Variants in MPP3 observed in about 807,000 individuals in gnomAD.
MPP3 encodes the protein MAGUK p55 scaffold protein 3, also known as MAGUK p55 subfamily member 3.
Under a neutral mutation model 80.7 loss-of-function variants are expected in MPP3, and 48 were observed. The observed-to-expected ratio is 0.59, with a 90% CI of 0.47 to 0.76. The LOEUF (loss-of-function observed/expected upper bound fraction) is 0.76, where lower values mean the gene tolerates loss of function less well. Among genes scored for constraint, MPP3 ranks in the 30% least tolerant of loss-of-function variants. The probability of loss-of-function intolerance (pLI) is 0.00; values close to 1 mark genes in which losing one functional copy is unlikely to be tolerated. For synonymous variants in MPP3, 311 were observed against 297.6 expected (o/e 1.04, Z -0.46); for missense variants, 620 against 763.0 (o/e 0.81, Z 2.21).
At chr17:43,818,255 C>T in intron 11 of MPP3, 145 bp from the exon 12 acceptor site, 1 of 579,370 alleles carries the variant, frequency 1.7e-6, no homozygotes, top group Non-Finnish European at 2.8e-6. Flanking sequence ...CTGCTTAGCA[C>T]TAAGTTCCAA....
intron 19 of MPP3, among the ~76,000 whole-genome samples, chr17:43,803,615 CCAGA>C (rs1274548315): frequency 6.6e-6 from 1 of 152,166 alleles, no homozygotes; most frequent in Non-Finnish European, 1.5e-5. Context: ...AACTCAGGTG[CCAGA>C]CAATGGACAG....
intron 14 of MPP3, 190 bp downstream of exon 14, chr17:43,815,848 G>T: frequency 3.0e-6 from 2 of 671,164 alleles, no homozygotes; most frequent in Non-Finnish European, 5.2e-6. Context: ...AAAGCTGGGT[G>T]GGGGCCCAAT....
chr17:43,811,122 G>GT lies in MPP3; in HGVS notation c.1338dup (p.His447ThrfsTer10). The GT allele has an allele frequency of 6.2e-7, 1 of 1,613,958 alleles. No homozygotes were observed. ...CATCAAGCAACGTACTTGTTGTGAT[G>GT]TAAGTCGGCCTCAAATGCTTGCTTA... On this transcript the variant is annotated frameshift_variant, in exon 17 of 20. Coordinates refer to ENST00000398389, the MANE Select transcript of MPP3 (RefSeq NM_001932.6). LOFTEE classifies it high-confidence loss of function.
chr17:43,807,241 G>A (rs1380497595), intron 19 of MPP3, among the ~76,000 whole-genome samples: 1 of 151,868 alleles, frequency 6.6e-6, no homozygotes, highest in African/African-American at 2.4e-5. Flanking sequence ...CCAAAGTGCT[G>A]GGATTATAGG....
In MPP3 at chr17:43,814,522, C is replaced by A. The variant is rs952429570; in HGVS notation, c.1010-161G>T. 9 of 632,982 alleles carry A rather than the reference C, an allele frequency of 1.4e-5. No individual in the cohort carries two copies. In the African/African-American group the frequency reaches 1.5e-4, roughly 10 times the overall value. 39.2% of individuals were successfully genotyped at this position (632,982 alleles called of 1,614,324 possible). ...ACTGGAAGAGGTTGTTCAGGAAATA[C>A]AATAATAAGATGAAAGGGTGACCCC... On this transcript the variant is annotated intron_variant, in intron 14 of 19. Transcript: ENST00000398389.
chr17:43,813,965 TTG>T (rs1238427491), intron 16 of MPP3, 44 bp downstream of exon 16: 1 of 1,430,156 alleles, frequency 7.0e-7, no homozygotes, highest in Non-Finnish European at 9.7e-7. Context: ...CATGGAATAT[TTG>T]TGTGTGTGCA....
At position 43,817,906 on chromosome 17, in the gene MPP3, C is replaced by T. The variant is rs565917220; in HGVS notation, c.946+140G>A. ...CCCCCCACCTCCTACTTCCCACCCC[C>T]TCCTTCCTCTGGAGTCCATGAGCTC... On this transcript the variant is annotated intron_variant, in intron 12 of 19. Coordinates refer to ENST00000398389, the MANE Select transcript of MPP3 (RefSeq NM_001932.6). 5 of 525,190 alleles carry T rather than the reference C, an allele frequency of 9.5e-6. No homozygotes were observed. In the South Asian group the frequency reaches 1.3e-4, roughly 13 times the overall value. The allele number at this position is 525,190 out of a possible 1,614,324, so 32.5% of individuals were successfully genotyped here.
chr17:43,818,575 T>C (rs2045268927), intron 11 of MPP3, among the ~76,000 whole-genome samples: 1 of 152,114 alleles, frequency 6.6e-6, no homozygotes, highest in African/African-American at 2.4e-5. Context: ...GACTGTCCAA[T>C]GTGGCCATGA....
intron 12 of MPP3, 38 bp downstream of exon 12, chr17:43,818,008 G>T: frequency 6.5e-7 from 1 of 1,534,494 alleles, no homozygotes; most frequent in African/African-American, 1.4e-5. Context: ...CCTAACCCCG[G>T]GCCCTCCCTG....
At chr17:43,815,909 G>A in intron 14 of MPP3, 129 bp downstream of exon 14, 1 of 849,214 alleles carries the variant, frequency 1.2e-6, no homozygotes, top group Non-Finnish European at 1.8e-6. Flanking sequence ...AGGAGAGATG[G>A]GGGTCCCATA....
intron 5 of MPP3, 38 bp from the exon 6 acceptor site, chr17:43,830,145 G>A (rs371769090): frequency 3.5e-6 from 5 of 1,448,866 alleles, no homozygotes; most frequent in Non-Finnish European, 3.7e-6. Flanking sequence ...ATGGCTAGAG[G>A]TGCCCCTGCC....
chr17:43,827,498 G>A (rs1371763635), intron 8 of MPP3, among the ~76,000 whole-genome samples: 5 of 151,896 alleles, frequency 3.3e-5, no homozygotes, highest in East Asian at 3.9e-4. Context: ...CAAGTGATCC[G>A]CCTGCCTCGG....
intron 19 of MPP3, among the ~76,000 whole-genome samples, chr17:43,805,293 G>A (rs1446007927): frequency 6.6e-6 from 1 of 152,186 alleles, no homozygotes. Flanking sequence ...CCTACTAGTA[G>A]TGCTATGATT....
chr17:43,824,099 A>G (rs1252432160), intron 9 of MPP3, 94 bp from the exon 10 acceptor site: 1 of 881,454 alleles, frequency 1.1e-6, no homozygotes, highest in Non-Finnish European at 1.7e-6. Context: ...TGATGTTCAG[A>G]AAGTCAGACT....
At chr17:43,827,883 A>C in intron 7 of MPP3, 51 bp from the exon 8 acceptor site, 4 of 1,565,046 alleles carry the variant, frequency 2.6e-6, no homozygotes, top group Non-Finnish European at 3.5e-6. Flanking sequence ...TCCAAACCTC[A>C]GACCCCTACT....
chr17:43,811,752 C>G (rs2044872267), intron 16 of MPP3, among the ~76,000 whole-genome samples: 3 of 152,064 alleles, frequency 2.0e-5, no homozygotes, highest in Admixed American at 6.5e-5. Flanking sequence ...TACCACCACA[C>G]CCGGCTAATT....
At chr17:43,830,261 C>T (rs140096105) in intron 5 of MPP3, among the ~76,000 whole-genome samples, 154 bp from the exon 6 acceptor site, 1 of 152,322 alleles carries the variant, frequency 6.6e-6, no homozygotes, top group African/African-American at 2.4e-5. Flanking sequence ...GGGAACATCA[C>T]ACCAGGGGTC....
At chr17:43,831,755 C>G (rs2045973297) in intron 3 of MPP3, 78 bp from the exon 4 acceptor site, 1 of 1,436,556 alleles carries the variant, frequency 7.0e-7, no homozygotes, top group Admixed American at 1.9e-5. Context: ...AGTGGGGCCT[C>G]AAACAGCACT....
chr17:43,825,609 T>G, intron 9 of MPP3, 147 bp downstream of exon 9: 1 of 612,254 alleles, frequency 1.6e-6, no homozygotes, highest in South Asian at 1.9e-5. Flanking sequence ...CCGGGCACAC[T>G]GTTAGGGGCA....
Sources: gnomAD v4.1 joint callset for allele counts (sites outside exome capture counted in the v4.1 genomes callset) on GRCh38, gnomAD v4.1.1 for gene constraint, MANE v1.5 for transcripts, NCBI Gene and HGNC (gene_info 2026-07-23, HGNC 2026-07-21) for gene names.